DEUP1: variants seen among roughly 807,000 people sequenced by gnomAD.
DEUP1 encodes deuterosome assembly protein 1, also known as coiled-coil domain containing 67.
Under a neutral mutation model 87.4 loss-of-function variants are expected in DEUP1, and 82 were observed. The observed-to-expected ratio is 0.94, with a 90% CI of 0.78 to 1.13. DEUP1 has a LOEUF of 1.13. DEUP1 is among the 50% of genes most tolerant of loss of function. The pLI is 0.00. For synonymous variants in DEUP1, 214 were observed against 222.7 expected, an observed-to-expected ratio of 0.96 and a Z score of 0.35; for missense variants, 663 against 681.5, an observed-to-expected ratio of 0.97 and a Z score of 0.30.
intron 11 of DEUP1, 115 bp downstream of exon 11, chr11:93,396,440 T>C (rs1022277389): frequency 3.2e-6 from 2 of 625,176 alleles, no homozygotes; most frequent in Non-Finnish European, 2.7e-6. Flanking sequence ...AGGAGTTGGG[T>C]GGTAAATTAT....
intron 2 of DEUP1, chr11:93,352,413 G>A (rs762759182): frequency 2.8e-6 from 2 of 702,314 alleles, no homozygotes; most frequent in South Asian, 1.5e-5. Context: ...TCTGTAGTGA[G>A]AGCACTTACC....
chr11:93,414,873 G>A (rs1217152787), intron 12 of DEUP1, 127 bp from the exon 13 acceptor site: 2 of 446,966 alleles, frequency 4.5e-6, no homozygotes, highest in Non-Finnish European at 8.0e-6. Flanking sequence ...GAAACACCCA[G>A]GTAACAAGCC....
rs763665653 is a variant in DEUP1 at position 93,352,424 on chromosome 11, A to G, written c.30-2947A>G. The G allele has an allele frequency of 4.3e-6, 3 of 701,854 alleles. No homozygotes were observed. In the South Asian group the frequency reaches 4.4e-5, roughly 10 times the overall value. 43.5% of individuals were successfully genotyped at this position (701,854 alleles called of 1,614,324 possible). ...GAACTCTGTAGTGAGAGCACTTACC[A>G]ATCTGTCTTAACAACAGTTGCTATA... is the stretch of plus-strand genomic sequence containing the variant. On this transcript the variant is annotated intron_variant, in intron 2 of 13. Coordinates refer to ENST00000298050, the MANE Select transcript of DEUP1 (RefSeq NM_181645.4).
intron 9 of DEUP1, among the ~76,000 whole-genome samples, 182 bp downstream of exon 9, chr11:93,389,307 C>A (rs1946695904): frequency 6.6e-6 from 1 of 152,148 alleles, no homozygotes; most frequent in African/African-American, 2.4e-5. Context: ...AAAACACAAA[C>A]CTTAAGTTAT....
intron 12 of DEUP1, among the ~76,000 whole-genome samples, chr11:93,414,664 G>T (rs1331115885): frequency 6.6e-6 from 1 of 152,124 alleles, no homozygotes; most frequent in Non-Finnish European, 1.5e-5. Flanking sequence ...TTACCTGTTT[G>T]GAGACTTTTC....
intron 13 of DEUP1, among the ~76,000 whole-genome samples, chr11:93,417,994 C>A (rs967703639): frequency 2.6e-5 from 4 of 151,812 alleles, no homozygotes; most frequent in African/African-American, 9.7e-5. Flanking sequence ...AAAGCTGAAA[C>A]TGGATCCCTT....
intron 1 of DEUP1, among the ~76,000 whole-genome samples, chr11:93,331,988 C>A (rs1313855314): frequency 4.6e-5 from 7 of 152,176 alleles, no homozygotes; most frequent in African/African-American, 1.7e-4. Flanking sequence ...TTGCAGTGAG[C>A]TGAGATCGTG....
intron 2 of DEUP1, among the ~76,000 whole-genome samples, chr11:93,339,188 T>C (rs1339649871): frequency 6.6e-6 from 1 of 152,222 alleles, no homozygotes; most frequent in Non-Finnish European, 1.5e-5. Flanking sequence ...TGTTATAGAA[T>C]GACAGAAATA....
chr11:93,372,599 C>T (rs1264188692), intron 7 of DEUP1, among the ~76,000 whole-genome samples: 10 of 152,200 alleles, frequency 6.6e-5, no homozygotes, highest in Admixed American at 5.2e-4. Flanking sequence ...TTCTATGTTC[C>T]TCTTTCCCCA....
At chr11:93,380,577 G>A (rs1429896886) in intron 7 of DEUP1, among the ~76,000 whole-genome samples, 5 of 150,814 alleles carry the variant, frequency 3.3e-5, no homozygotes, top group Non-Finnish European at 7.4e-5. Context: ...TTTTTTTTTT[G>A]TATTTTTAGT....
In DEUP1 at chr11:93,416,263, A is replaced by C. The variant is rs1337808579; in HGVS notation, c.1638+1149A>C. Among the ~76,000 whole-genome samples the C allele has an allele frequency of 2.0e-5, 3 of 152,326 alleles. No homozygotes were observed. The East Asian group carries it at 5.8e-4, about 29-fold the overall frequency. On this transcript the variant is annotated intron_variant, in intron 13 of 13. Transcript: ENST00000298050. ...CAGGAGCTTGTTTTTTGAAAGGATC[A>C]ACAAAATTGATAGACTGCTAACAAG...
intron 11 of DEUP1, among the ~76,000 whole-genome samples, chr11:93,398,674 A>G (rs551124413): frequency 3.2e-4 from 48 of 151,880 alleles, no homozygotes; most frequent in African/African-American, 1.2e-3. Context: ...AATTAGATAT[A>G]TCCTTTGCCC....
At chr11:93,375,181 G>T (rs539378145) in intron 7 of DEUP1, among the ~76,000 whole-genome samples, 1 of 151,980 alleles carries the variant, frequency 6.6e-6, no homozygotes, top group East Asian at 1.9e-4. Context: ...TCAGTTCTAG[G>T]AGCTTTTTGG....
intron 1 of DEUP1, among the ~76,000 whole-genome samples, chr11:93,331,271 A>T (rs1007062449): frequency 1.1e-4 from 16 of 152,058 alleles, no homozygotes; most frequent in Middle Eastern, 3.4e-3. Context: ...ATTGACTTTT[A>T]TTCAGTGATT....
At chr11:93,395,538 A>C (rs1315191058) in intron 10 of DEUP1, among the ~76,000 whole-genome samples, 2 of 152,198 alleles carry the variant, frequency 1.3e-5, no homozygotes, top group Non-Finnish European at 2.9e-5. Context: ...GGGATATTTT[A>C]CAGGTGTTAA....
intron 12 of DEUP1, among the ~76,000 whole-genome samples, chr11:93,410,381 G>A (rs770539687): frequency 8.5e-5 from 13 of 152,150 alleles, no homozygotes; most frequent in Non-Finnish European, 1.8e-4. Flanking sequence ...TCTGGTGAAT[G>A]TGTCCATGTG....
At chr11:93,429,871 A>G (rs1948049014) in intron 13 of DEUP1, among the ~76,000 whole-genome samples, 2 of 151,998 alleles carry the variant, frequency 1.3e-5, no homozygotes, top group Non-Finnish European at 1.5e-5. Context: ...AAAATTCTCA[A>G]CTCTTCTAGG....
chr11:93,414,298 G>C (rs1290129038), intron 12 of DEUP1, among the ~76,000 whole-genome samples: 1 of 152,166 alleles, frequency 6.6e-6, no homozygotes, highest in African/African-American at 2.4e-5. Flanking sequence ...CGAATCACAA[G>C]GTCAGGAGAT....
At chr11:93,379,935 A>C (rs1175989119) in intron 7 of DEUP1, among the ~76,000 whole-genome samples, 1 of 152,252 alleles carries the variant, frequency 6.6e-6, no homozygotes, top group African/African-American at 2.4e-5. Flanking sequence ...AAGTCTTTTT[A>C]CTTATACTAA....
Sources: allele counts gnomAD v4.1 joint callset (sites outside exome capture counted in the v4.1 genomes callset), GRCh38; gene constraint gnomAD v4.1.1; transcripts MANE v1.5; gene names NCBI Gene and HGNC (gene_info 2026-07-23, HGNC 2026-07-21).